Variants in COMMD10 observed in about 807,000 individuals in gnomAD.
COMMD10 encodes the protein COMM domain containing 10, also known as COMM domain-containing protein 10.
In COMMD10, 33 loss-of-function variants were observed where a neutral mutation model predicts 28.9. That is an observed-to-expected ratio of 1.14 (90% confidence interval 0.87 to 1.53). The LOEUF is 1.53. Among genes scored for constraint, COMMD10 ranks in the 40% most tolerant of loss-of-function variants. The pLI, the probability that COMMD10 is intolerant of heterozygous loss-of-function variation, is 0.00. For synonymous variants in COMMD10, 110 were observed against 81.7 expected, an observed-to-expected ratio of 1.35 and a Z score of -1.87; for missense variants, 310 against 233.4, an observed-to-expected ratio of 1.33 and a Z score of -2.14.
chr5:116,181,405 C>T (rs1055413799), intron 5 of COMMD10, among the ~76,000 whole-genome samples: 1 of 149,250 alleles, frequency 6.7e-6, no homozygotes, highest in African/African-American at 2.5e-5. Context: ...AATAGTGATA[C>T]AATACAAATT....
intron 5 of COMMD10, among the ~76,000 whole-genome samples, chr5:116,250,068 C>T (rs1044107204): frequency 2.0e-5 from 3 of 151,636 alleles, no homozygotes; most frequent in African/African-American, 4.8e-5. Flanking sequence ...CATGTATTAC[C>T]ATAGTTGATC....
rs564403574 is a variant in COMMD10, at chr5:116,255,688, CTG to C, written c.511-35827_511-35826del. 116 of 151,580 alleles carry C rather than the reference CTG, an allele frequency of 7.7e-4. 2 individuals are homozygous for C. Among genetic ancestry groups the C allele is most frequent in the African/African-American group, 2.7e-3 (111 of 41,160 alleles). The allele number at this position is 151,580 out of a possible 1,614,324, so 9.4% of individuals were successfully genotyped here. A position where few individuals can be genotyped will look rare whatever the true frequency, so the allele number is the denominator to read the frequency against. On this transcript the variant is annotated intron_variant, in intron 5 of 6. Coordinates refer to ENST00000274458, the MANE Select transcript of COMMD10 (RefSeq NM_016144.4). ...AATTTAATAATAGCATAAGCTAACA[CTG>C]TTATTTAATAGTGTACGTAAATGCT...
intron 5 of COMMD10, among the ~76,000 whole-genome samples, chr5:116,270,576 T>C (rs1021943482): frequency 5.3e-5 from 8 of 151,858 alleles, no homozygotes; most frequent in East Asian, 1.9e-4. Flanking sequence ...GATTAGGTAG[T>C]GGCATGGGGA....
chr5:116,208,680 G>C (rs1490640762), intron 5 of COMMD10, among the ~76,000 whole-genome samples: 1 of 121,604 alleles, frequency 8.2e-6, no homozygotes, highest in East Asian at 2.4e-4. Context: ...TGTGTGAATA[G>C]ACATAGAGGT....
rs749642942 is a variant in COMMD10 at position 116,091,160 on chromosome 5, C to T, written c.214C>T (p.Leu72Phe). The change falls in exon 3 of 7, where the codon CTT (leucine) becomes TTT (phenylalanine). Residue 72 changes from leucine (L) to phenylalanine (F), a missense_variant. By Grantham distance (22) the Leu-to-Phe change is conservative. Coordinates refer to ENST00000274458, the MANE Select transcript of COMMD10 (RefSeq NM_016144.4). The stretch of plus-strand genomic sequence containing the variant: ...AGAGAAACAAGATCTTCACCTAGTT[C>T]TTGAAACAATATCATTTATTTTAGA... ...SLEKQDLHLV[L>F]ETISFILEQA... The T allele has an allele frequency of 1.9e-6, 3 of 1,605,730 alleles. No homozygotes were observed. Among genetic ancestry groups the T allele is most frequent in the East Asian group, 2.2e-5 (1 of 44,666 alleles).
chr5:116,181,855 C>T (rs1580527309), intron 5 of COMMD10, among the ~76,000 whole-genome samples: 2 of 152,144 alleles, frequency 1.3e-5, no homozygotes, highest in South Asian at 2.1e-4. Flanking sequence ...CTACTATATT[C>T]ATTTATTCAG....
At chr5:116,181,430 G>A (rs1217655115) in intron 5 of COMMD10, among the ~76,000 whole-genome samples, 4 of 149,576 alleles carry the variant, frequency 2.7e-5, no homozygotes, top group Admixed American at 1.3e-4. Flanking sequence ...CTGAGCTGGT[G>A]TTTTACATCT....
intron 5 of COMMD10, among the ~76,000 whole-genome samples, chr5:116,176,928 A>G (rs548006222): frequency 7.2e-5 from 11 of 152,282 alleles, no homozygotes; most frequent in Admixed American, 3.3e-4. Context: ...AAGGAAAAGA[A>G]CAACTTGGAA....
intron 5 of COMMD10, among the ~76,000 whole-genome samples, chr5:116,227,487 A>T (rs545890324): frequency 6.6e-6 from 1 of 152,094 alleles, no homozygotes; most frequent in East Asian, 1.9e-4. Context: ...TGTTTGTTCA[A>T]TTTATACATC....
At chr5:116,167,680 A>G (rs1207402709) in intron 5 of COMMD10, among the ~76,000 whole-genome samples, 2 of 152,190 alleles carry the variant, frequency 1.3e-5, no homozygotes, top group African/African-American at 2.4e-5. Flanking sequence ...CCAATATTCA[A>G]CACTCTTAAA....
chr5:116,150,128 T>C (rs192647074), intron 5 of COMMD10, among the ~76,000 whole-genome samples: 1 of 152,092 alleles, frequency 6.6e-6, no homozygotes, highest in Non-Finnish European at 1.5e-5. Context: ...TTTCCCCATT[T>C]CTTGTTTTTG....
At chr5:116,110,155 T>G (rs571592464) in intron 4 of COMMD10, among the ~76,000 whole-genome samples, 2 of 152,362 alleles carry the variant, frequency 1.3e-5, no homozygotes, top group Admixed American at 6.5e-5. Context: ...TTCATTCTTT[T>G]TATGTGATGA....
intron 5 of COMMD10, among the ~76,000 whole-genome samples, chr5:116,141,280 C>G (rs946140289): frequency 6.6e-6 from 1 of 151,478 alleles, no homozygotes; most frequent in Admixed American, 6.6e-5. Flanking sequence ...TTCCTTTTGT[C>G]TGTGTATCTG....
chr5:116,150,267 G>C (rs1264931153), intron 5 of COMMD10, among the ~76,000 whole-genome samples: 1 of 152,136 alleles, frequency 6.6e-6, no homozygotes, highest in Non-Finnish European at 1.5e-5. Flanking sequence ...TAGCCTTGTA[G>C]TATAGTTTGA....
intron 5 of COMMD10, among the ~76,000 whole-genome samples, chr5:116,143,343 A>G (rs372337749): frequency 6.6e-6 from 1 of 151,734 alleles, no homozygotes; most frequent in South Asian, 2.1e-4. Context: ...CAATATTAAT[A>G]CACCATTAGA....
intron 5 of COMMD10, among the ~76,000 whole-genome samples, chr5:116,269,778 A>G (rs1750704849): frequency 6.6e-6 from 1 of 151,856 alleles, no homozygotes; most frequent in African/African-American, 2.4e-5. Flanking sequence ...TGGTTTGCTT[A>G]CATGTAGGTT....
intron 5 of COMMD10, among the ~76,000 whole-genome samples, chr5:116,190,436 A>C (rs1200981542): frequency 6.6e-6 from 1 of 152,240 alleles, no homozygotes; most frequent in African/African-American, 2.4e-5. Flanking sequence ...AGTGGTACAC[A>C]TATGTACAGA....
intron 5 of COMMD10, chr5:116,255,873 A>G (rs1248668154): frequency 6.6e-6 from 1 of 151,444 alleles, no homozygotes; most frequent in Non-Finnish European, 1.5e-5. Context: ...CTCATTAAGT[A>G]GAAGAGAAGA....
intron 5 of COMMD10, among the ~76,000 whole-genome samples, chr5:116,220,282 CA>C (rs1359469637): frequency 1.3e-5 from 2 of 152,174 alleles, no homozygotes; most frequent in African/African-American, 2.4e-5. Context: ...CTGTCTCATT[CA>C]TGTTCTTCAG....
Sources: gnomAD v4.1 joint callset for allele counts (sites outside exome capture counted in the v4.1 genomes callset) on GRCh38, gnomAD v4.1.1 for gene constraint, MANE v1.5 for transcripts, NCBI Gene and HGNC (gene_info 2026-07-23, HGNC 2026-07-21) for gene names.